The following UNC79 variants were observed in gnomAD, a reference collection of about 807,000 sequenced individuals.
UNC79 encodes the protein protein unc-79 homolog.
Under a neutral mutation model 283.1 loss-of-function variants are expected in UNC79, and 37 were observed. The observed-to-expected ratio is 0.13, with a 90% confidence interval of 0.10 to 0.17. UNC79 has a LOEUF of 0.17. UNC79 is among the 10% of genes least tolerant of loss of function. UNC79 has a pLI of 1.00. For synonymous variants in UNC79, 1,107 were observed against 1,200.2 expected, an observed-to-expected ratio of 0.92 and a Z score of 1.61; for missense variants, 2,272 against 3,211.1, an observed-to-expected ratio of 0.71 and a Z score of 7.07.
In UNC79 at chr14:93,606,842, A is replaced by G. The variant is rs565470090; in HGVS notation, c.3754+3424A>G. Among the ~76,000 whole-genome samples, 246 of 152,332 alleles carry G rather than the reference A, an allele frequency of 1.6e-3. 2 individuals are homozygous for G. The highest frequency in any genetic ancestry group is 5.7e-3 in the African/African-American group (237 of 41,576). Reference sequence around the variant, plus strand: ...GTCACATTTCTCTATGACTTTTCAAATCAAAGGCTTTGTGCATCTAAATAA... The same window carrying G: ...GTCACATTTCTCTATGACTTTTCAAGTCAAAGGCTTTGTGCATCTAAATAA... On this transcript the variant is annotated intron_variant, in intron 26 of 48. Transcript: ENST00000555664.
At chr14:93,682,248 C>T (rs1027742452) in intron 41 of UNC79, among the ~76,000 whole-genome samples, 5 of 152,118 alleles carry the variant, frequency 3.3e-5, no homozygotes, top group East Asian at 3.8e-4. Context: ...ATATATGATA[C>T]GATAATAGAA....
chr14:93,491,191 T>C (rs1208128991), intron 5 of UNC79, among the ~76,000 whole-genome samples: 2 of 152,084 alleles, frequency 1.3e-5, no homozygotes, highest in Non-Finnish European at 2.9e-5. Flanking sequence ...CACATCCTAA[T>C]ACCATCACAT....
chr14:93,528,417 C>T (rs866008527), intron 8 of UNC79, 141 bp from the exon 9 acceptor site: 31 of 670,460 alleles, frequency 4.6e-5, no homozygotes, highest in African/African-American at 9.2e-5. Flanking sequence ...AAACATTTAT[C>T]GGTAAAAAGG....
chr14:93,438,373 A>G (rs1232284179), intron 1 of UNC79, among the ~76,000 whole-genome samples: 1 of 152,134 alleles, frequency 6.6e-6, no homozygotes, highest in Non-Finnish European at 1.5e-5. Flanking sequence ...GCTCTAGAGG[A>G]GCTTACAGTT....
At chr14:93,435,223 A>G (rs1339929027) in intron 1 of UNC79, among the ~76,000 whole-genome samples, 2 of 152,266 alleles carry the variant, frequency 1.3e-5, no homozygotes, top group African/African-American at 4.8e-5. Flanking sequence ...TGCAAAAATT[A>G]GAATGTGCCT....
At chr14:93,340,571 CTTTT>C (rs1182617864) in intron 1 of UNC79, among the ~76,000 whole-genome samples, 2 of 135,780 alleles carry the variant, frequency 1.5e-5, no homozygotes, top group Non-Finnish European at 1.6e-5. Flanking sequence ...GTAGGAGAAA[CTTTT>C]TTTTTTTTTT....
chr14:93,613,097 C>T lies in UNC79; in HGVS notation c.4041+14C>T, dbSNP rs1274154964. 5 of 1,613,404 alleles carry T rather than the reference C, an allele frequency of 3.1e-6. 1 individual carries two copies. The South Asian group carries it at 4.4e-5, about 14-fold the overall frequency. On this transcript the variant is annotated intron_variant, in intron 27 of 48. Transcript: ENST00000555664. ...GGAATTGCCCAAGTAAGTGTAATAA[C>T]AGCTTTCAGAAGTCACACCTTTATA... is the stretch of plus-strand genomic sequence containing the variant.
Position 93,617,073 on chromosome 14 carries a change from A to G in UNC79, c.4042-49A>G. On this transcript the variant is annotated intron_variant, in intron 27 of 48. Transcript: ENST00000555664. The surrounding 1 kb of genome is among the most constrained non-coding windows in gnomAD (Gnocchi z 4.5). ...CTCAAATTTTTCCTTTTGACCTCTG[A>G]GTGTTCTTTGTAGTTTTCCATCAGT... 3 of 1,535,102 alleles carry G rather than the reference A, an allele frequency of 2.0e-6. No individual in the cohort carries two copies. Among genetic ancestry groups the G allele is most frequent in the Non-Finnish European group, 2.6e-6 (3 of 1,133,338 alleles).
chr14:93,625,702 T>C (rs535574046), intron 30 of UNC79, among the ~76,000 whole-genome samples: 1 of 152,276 alleles, frequency 6.6e-6, no homozygotes, highest in East Asian at 1.9e-4. Flanking sequence ...TCTTTTCTCC[T>C]TACTCAACTT....
chr14:93,593,568 G>T, intron 22 of UNC79, 112 bp from the exon 23 acceptor site: 2 of 1,291,678 alleles, frequency 1.5e-6, no homozygotes, highest in South Asian at 3.0e-5. Context: ...TTCACCAAAA[G>T]CACCCCTACC....
At chr14:93,592,226 G>A (rs966304755) in intron 22 of UNC79, among the ~76,000 whole-genome samples, 1 of 142,992 alleles carries the variant, frequency 7.0e-6, no homozygotes, top group Non-Finnish European at 1.5e-5. Flanking sequence ...CCAGGCTGGA[G>A]TGCAGTGGCT....
At chr14:93,692,037 C>T (rs2074733572) in intron 46 of UNC79, 91 bp downstream of exon 49, 2 of 1,441,494 alleles carry the variant, frequency 1.4e-6, no homozygotes, top group Non-Finnish European at 1.9e-6. Context: ...TCACAGATCT[C>T]AGTTGTAAGG....
At chr14:93,387,723 A>G (rs1236212236) in intron 1 of UNC79, among the ~76,000 whole-genome samples, 1 of 152,230 alleles carries the variant, frequency 6.6e-6, no homozygotes, top group African/African-American at 2.4e-5. Context: ...CAGTCGTTGC[A>G]TGAAATGTTC....
intron 23 of UNC79, among the ~76,000 whole-genome samples, chr14:93,595,123 T>C (rs1382695906): frequency 1.3e-5 from 2 of 151,850 alleles, no homozygotes; most frequent in African/African-American, 4.8e-5. Flanking sequence ...GGAGTCTTGC[T>C]CTATTGCACA....
At chr14:93,600,711 C>G in exon 25 of UNC79, 1 of 1,613,774 alleles carries the variant, frequency 6.2e-7, no homozygotes, top group Non-Finnish European at 8.5e-7. Flanking sequence ...AGATTTGAGA[C>G]GCTTTCTTTG....
chr14:93,613,624 C>T (rs1460554115), intron 27 of UNC79, among the ~76,000 whole-genome samples: 3 of 152,056 alleles, frequency 2.0e-5, no homozygotes, highest in Non-Finnish European at 2.9e-5. Flanking sequence ...TCGTGTTAGC[C>T]AGGATGGTCT....
chr14:93,574,295 G>T (rs562512778), intron 16 of UNC79, among the ~76,000 whole-genome samples: 4 of 152,294 alleles, frequency 2.6e-5, no homozygotes, highest in South Asian at 2.1e-4. Flanking sequence ...GCTGAAGAAG[G>T]TTTTCCAGCC....
At chr14:93,604,796 A>T in intron 26 of UNC79, 100 bp from the exon 27 acceptor site, 1 of 1,198,770 alleles carries the variant, frequency 8.3e-7, no homozygotes, top group Non-Finnish European at 1.1e-6. Context: ...AGAAAAATGA[A>T]ACCTGCCCCT....
chr14:93,545,766 G>A (rs981135912), intron 14 of UNC79, among the ~76,000 whole-genome samples: 2 of 152,146 alleles, frequency 1.3e-5, no homozygotes, highest in Non-Finnish European at 2.9e-5. Context: ...AAACAACATC[G>A]ATTCACGGAA....
Sources: allele counts gnomAD v4.1 joint callset (sites outside exome capture counted in the v4.1 genomes callset), GRCh38; gene constraint gnomAD v4.1.1; non-coding constraint Gnocchi (gnomAD v3.1); transcripts MANE v1.5; gene names NCBI Gene and HGNC (gene_info 2026-07-23, HGNC 2026-07-21).